The following DLGAP1 variants were observed in gnomAD, a reference collection of about 807,000 sequenced individuals.
DLGAP1 encodes disks large-associated protein 1.
A neutral mutation model predicts 90.8 loss-of-function variants in DLGAP1; 11 were observed. That is an observed-to-expected ratio of 0.12 (90% CI 0.08 to 0.20). The LOEUF (loss-of-function observed/expected upper bound fraction) is 0.20, where lower values mean the gene tolerates loss of function less well. Ranked by LOEUF, DLGAP1 falls within the 10% of genes least tolerant of loss-of-function variation. DLGAP1 has a pLI of 1.00. For synonymous variants in DLGAP1, 558 were observed against 540.7 expected (o/e 1.03, Z -0.44); for missense variants, 1,050 against 1,333.8 (o/e 0.79, Z 3.31).
At chr18:4,404,404 C>T (rs1298273142) in intron 1 of DLGAP1, among the ~76,000 whole-genome samples, 3 of 152,072 alleles carry the variant, frequency 2.0e-5, no homozygotes, top group African/African-American at 7.2e-5. Flanking sequence ...ACTAGCTGCT[C>T]TGGAGACCGC....
At chr18:3,960,753 C>A (rs747568718) in intron 3 of DLGAP1, among the ~76,000 whole-genome samples, 3 of 152,192 alleles carry the variant, frequency 2.0e-5, no homozygotes, top group Non-Finnish European at 2.9e-5. Flanking sequence ...CAGTCCTCGG[C>A]GCCTCTAGCC....
At chr18:3,768,045 T>C (rs780302089) in intron 5 of DLGAP1, among the ~76,000 whole-genome samples, 3 of 152,066 alleles carry the variant, frequency 2.0e-5, no homozygotes, top group Admixed American at 1.3e-4. Context: ...CATGATTGCC[T>C]ACAAAGGAAA....
chr18:3,906,328 A>G (rs768725940), intron 3 of DLGAP1, among the ~76,000 whole-genome samples: 10 of 152,202 alleles, frequency 6.6e-5, no homozygotes, highest in Admixed American at 1.3e-4. Context: ...AGAAATTATT[A>G]TAGCTTGCAT....
chr18:4,423,712 T>C (rs1456090040), intron 1 of DLGAP1, among the ~76,000 whole-genome samples: 1 of 151,810 alleles, frequency 6.6e-6, no homozygotes, highest in Non-Finnish European at 1.5e-5. Flanking sequence ...GAGAGAACTG[T>C]TTCAATTCTG....
At chr18:3,701,238 C>T (rs960128882) in intron 7 of DLGAP1, among the ~76,000 whole-genome samples, 1 of 152,134 alleles carries the variant, frequency 6.6e-6, no homozygotes, top group Non-Finnish European at 1.5e-5. Context: ...TGCCACATGA[C>T]TCAAGAAGAA....
chr18:4,215,079 A>G (rs544307423), intron 1 of DLGAP1, among the ~76,000 whole-genome samples: 13 of 152,192 alleles, frequency 8.5e-5, no homozygotes, highest in African/African-American at 2.9e-4. Flanking sequence ...TTCTCACTTT[A>G]TTGTATTTTG....
intron 1 of DLGAP1, among the ~76,000 whole-genome samples, chr18:4,366,208 G>A (rs910541362): frequency 2.6e-5 from 4 of 151,996 alleles, no homozygotes; most frequent in Admixed American, 6.6e-5. Flanking sequence ...GAATTCATCT[G>A]GGTCCTAAAT....
At chr18:3,760,417 A>G (rs972571356) in intron 5 of DLGAP1, among the ~76,000 whole-genome samples, 16 of 152,288 alleles carry the variant, frequency 1.1e-4, no homozygotes, top group African/African-American at 3.8e-4. Context: ...GCCCAGGGGA[A>G]TTAGTTTCTT....
chr18:3,658,934 C>T lies in DLGAP1; in HGVS notation c.1591+70201G>A, dbSNP rs138186491. Among the ~76,000 whole-genome samples, 326 of 152,190 alleles carry T rather than the reference C, an allele frequency of 2.1e-3. 1 individual carries two copies. Among genetic ancestry groups the T allele is most frequent in the Middle Eastern group, 0.014 (4 of 294 alleles). The stretch of plus-strand genomic sequence containing the variant: ...ACAGGGGTGGCAGTGAAGGAGAGCC[C>T]AATCATCATTTACTGAGTTGGGGAA... On this transcript the variant is annotated intron_variant, in intron 7 of 12. Coordinates refer to ENST00000315677, the MANE Select transcript of DLGAP1 (RefSeq NM_004746.4).
intron 1 of DLGAP1, among the ~76,000 whole-genome samples, chr18:4,312,787 GA>G (rs1219711442): frequency 1.3e-5 from 2 of 152,034 alleles, no homozygotes; most frequent in East Asian, 3.9e-4. Context: ...CCAAAGTACA[GA>G]AATAACAGAT....
At chr18:3,999,216 T>TA (rs2074130909) in intron 3 of DLGAP1, among the ~76,000 whole-genome samples, 1 of 152,110 alleles carries the variant, frequency 6.6e-6, no homozygotes, top group Non-Finnish European at 1.5e-5. Flanking sequence ...TTGTATTTTT[T>TA]ATCCCGTCTC....
rs538094166 is a variant in DLGAP1 at position 3,997,159 on chromosome 18, C to T, written c.-73+7957G>A. 1.4e-4 allele frequency among the ~76,000 whole-genome samples: 14 copies of T among 103,244 alleles called. 5 individuals carry two copies. The South Asian group carries it at 2.4e-3, about 18-fold the overall frequency. The allele number at this position is 103,244 out of a possible 152,430, so 67.7% of individuals were successfully genotyped here. ...TATTTTCGTCTAATGTTACCCATAACTCATTCGCTATTTGACGTAGTTCTC... is the reference window on the plus strand; with the variant it reads ...TATTTTCGTCTAATGTTACCCATAATTCATTCGCTATTTGACGTAGTTCTC... On this transcript the variant is annotated intron_variant, in intron 3 of 12. Transcript: ENST00000315677.
chr18:3,799,559 T>C (rs565680425), intron 5 of DLGAP1, among the ~76,000 whole-genome samples: 1 of 151,982 alleles, frequency 6.6e-6, no homozygotes, highest in Non-Finnish European at 1.5e-5. Context: ...AAAATTATCA[T>C]TTGAATTTTA....
At chr18:3,585,591 A>T (rs879595829) in intron 7 of DLGAP1, among the ~76,000 whole-genome samples, 6 of 152,198 alleles carry the variant, frequency 3.9e-5, no homozygotes, top group Non-Finnish European at 8.8e-5. Flanking sequence ...GATCTTTTGG[A>T]TTATGTATTG....
intron 1 of DLGAP1, among the ~76,000 whole-genome samples, chr18:4,333,931 C>G (rs1051669301): frequency 2.7e-5 from 4 of 149,172 alleles, no homozygotes; most frequent in Non-Finnish European, 5.9e-5. Flanking sequence ...ACTAAATGAA[C>G]AGGCTGATAA....
At chr18:3,535,565 G>A (rs34700954) in intron 9 of DLGAP1, among the ~76,000 whole-genome samples, 11,776 of 151,826 alleles carry the variant, frequency 0.078, 584 homozygotes, top group East Asian at 0.24. Flanking sequence ...AACATTAGTC[G>A]GGCGTGGTGG....
chr18:4,090,033 G>A (rs758840171), intron 2 of DLGAP1, among the ~76,000 whole-genome samples: 13 of 151,700 alleles, frequency 8.6e-5, no homozygotes, highest in Non-Finnish European at 1.8e-4. Context: ...TGATAGAGGG[G>A]GACTCCGTCT....
chr18:3,899,123 T>C (rs1162581206), intron 3 of DLGAP1, among the ~76,000 whole-genome samples: 1 of 152,054 alleles, frequency 6.6e-6, no homozygotes, highest in Non-Finnish European at 1.5e-5. Context: ...GACCTGCAAG[T>C]CAAGTGAAAG....
At chr18:4,081,349 A>T (rs1482928177) in intron 2 of DLGAP1, among the ~76,000 whole-genome samples, 1 of 151,514 alleles carries the variant, frequency 6.6e-6, no homozygotes, top group African/African-American at 2.4e-5. Flanking sequence ...TGCCTTTGTC[A>T]GTTGACCTTC....
Sources: gnomAD v4.1 joint callset for allele counts (sites outside exome capture counted in the v4.1 genomes callset) on GRCh38, gnomAD v4.1.1 for gene constraint, MANE v1.5 for transcripts, NCBI Gene and HGNC (gene_info 2026-07-23, HGNC 2026-07-21) for gene names.